MACO1: variants seen among roughly 807,000 people sequenced by gnomAD.
The protein encoded by MACO1 is macoilin.
A neutral mutation model predicts 78.7 loss-of-function variants in MACO1; 14 were observed. The observed-to-expected ratio is 0.18, with a 90% confidence interval of 0.12 to 0.28. MACO1 has a LOEUF of 0.28. MACO1 is among the 10% of genes least tolerant of loss of function. The pLI is 1.00. For synonymous variants in MACO1, 288 were observed against 291.6 expected (o/e 0.99, Z 0.12); for missense variants, 501 against 799.0 (o/e 0.63, Z 4.50).
intron 6 of MACO1, among the ~76,000 whole-genome samples, chr1:25,462,222 G>A (rs2043178091): frequency 6.6e-6 from 1 of 152,130 alleles, no homozygotes; most frequent in African/African-American, 2.4e-5. Flanking sequence ...AGGCATACTT[G>A]GGGTGGTGCA....
Position 25,484,242 on chromosome 1 carries a change from G to C in MACO1, c.1281G>C (p.Gln427His). 5 of 1,613,072 alleles carry C rather than the reference G, an allele frequency of 3.1e-6. No individual in the cohort carries two copies. The highest frequency in any genetic ancestry group is 4.2e-6 in the Non-Finnish European group (5 of 1,179,784). The change falls in exon 7 of 11, where the codon CAG becomes CAC. Residue 427 changes from glutamine (Q) to histidine (H), a missense_variant. Gln to His is a conservative substitution (Grantham distance 24). This residue lies in a region of MACO1 where 163 missense variants were observed against 271.9 expected (regional missense o/e 0.60). Transcript: ENST00000374343. ...GAGGGATCCGCTCAGAAATGGGCCA[G>C]CTTCGGCAGGAGAACGAGCTGCTGC... ...TERGIRSEMG[Q>H]LRQENELLQN...
At chr1:25,436,933 A>T (rs1372364934) in intron 1 of MACO1, among the ~76,000 whole-genome samples, 5 of 151,950 alleles carry the variant, frequency 3.3e-5, no homozygotes, top group African/African-American at 1.2e-4. Flanking sequence ...CCCTCACCCC[A>T]TCTCCTCTGT....
intron 1 of MACO1, among the ~76,000 whole-genome samples, chr1:25,443,185 A>G (rs2042986813): frequency 6.6e-6 from 1 of 152,228 alleles, no homozygotes; most frequent in African/African-American, 2.4e-5. Flanking sequence ...GTGATGAGCA[A>G]TTAATTTAGG....
In MACO1 at chr1:25,454,436, ATATG is replaced by A. The variant is rs1267422858; in HGVS notation, c.473+56_473+59del. ...TGTGTGTATATGTGTGTATGTATAT[ATATG>A]TGTGTGTGTGTGTGTGTGTGTGTGT... is the stretch of plus-strand genomic sequence containing the variant. On this transcript the variant is annotated intron_variant, in intron 4 of 10. Coordinates refer to ENST00000374343, the MANE Select transcript of MACO1 (RefSeq NM_018202.6). 419 of 734,870 alleles carry A rather than the reference ATATG, an allele frequency of 5.7e-4. 2 individuals are homozygous for A. The African/African-American group carries it at 6.9e-3, about 12-fold the overall frequency. 45.5% of individuals were successfully genotyped at this position (734,870 alleles called of 1,614,324 possible).
At position 25,430,946 on chromosome 1, in the gene MACO1, CGTGCTA is replaced by C; in HGVS notation, c.-152_-147del. 6.9e-6 allele frequency: 3 copies of C among 435,498 alleles called. No individual in the cohort carries two copies. The East Asian group carries it at 1.3e-4, about 19-fold the overall frequency. The allele number at this position is 435,498 out of a possible 1,614,324, so 27.0% of individuals were successfully genotyped here. A position where few individuals can be genotyped will look rare whatever the true frequency, so the allele number is the denominator to read the frequency against. On this transcript the variant is annotated 5_prime_UTR_variant, in exon 1 of 11. Coordinates refer to ENST00000374343, the MANE Select transcript of MACO1 (RefSeq NM_018202.6). ...GAGGAGGCTCCGAGCCCCCCCTCCC[CGTGCTA>C]CCCCCTCCCCCCGGGTGCTGGCTCC...
chr1:25,439,852 C>G (rs1286863526), intron 1 of MACO1, among the ~76,000 whole-genome samples: 2 of 151,650 alleles, frequency 1.3e-5, no homozygotes, highest in African/African-American at 4.8e-5. Flanking sequence ...AACCCCGTCT[C>G]TACTAAAAAT....
intron 1 of MACO1, among the ~76,000 whole-genome samples, chr1:25,432,654 G>A (rs2042886281): frequency 6.6e-6 from 1 of 152,170 alleles, no homozygotes; most frequent in Non-Finnish European, 1.5e-5. Context: ...ATTAAAGAAA[G>A]TTTTTCCCCT....
Position 25,499,670 on chromosome 1 carries a change from G to A in MACO1, c.*1204G>A, listed in dbSNP as rs1571997497. ...GTTTGCACAGGCAACTTTTGGAAGT[G>A]TTTAAGAATCAGGGTGGGGGTGGCG... On this transcript the variant is annotated 3_prime_UTR_variant, in exon 11 of 11. Transcript: ENST00000374343. 1.0e-5 allele frequency: 1 copy of A among 96,382 alleles called. No homozygotes were observed. Among genetic ancestry groups the A allele is most frequent in the Non-Finnish European group, 1.8e-5 (1 of 54,300 alleles). 6.0% of individuals were successfully genotyped at this position (96,382 alleles called of 1,614,324 possible).
intron 1 of MACO1, 106 bp from the exon 2 acceptor site, chr1:25,446,656 A>T: frequency 3.6e-6 from 4 of 1,114,208 alleles, no homozygotes; most frequent in Non-Finnish European, 5.0e-6. Flanking sequence ...TGTTTTCATG[A>T]TATATGGAGG....
chr1:25,485,737 A>C lies in MACO1; in HGVS notation c.1438A>C (p.Arg480=), dbSNP rs1189959954. The C allele has an allele frequency of 6.2e-6, 10 of 1,614,194 alleles. No homozygotes were observed. Among genetic ancestry groups the C allele is most frequent in the Middle Eastern group, 1.6e-4 (1 of 6,062 alleles). The part of the protein sequence containing the change: ...VEKQLMEEKK[R]KKLEEATAAR... ...GAAACAGTTAATGGAAGAGAAAAAG[A>C]GGAAGAAGTTAGAAGAAGCCACTGC... is the stretch of plus-strand genomic sequence containing the variant. Residue 480 remains arginine, a synonymous_variant, in exon 8 of 11, where the codon AGG becomes CGG. Coordinates refer to ENST00000374343, the MANE Select transcript of MACO1 (RefSeq NM_018202.6). The surrounding 1 kb of genome is among the most constrained non-coding windows in gnomAD (Gnocchi z 4.3).
intron 6 of MACO1, among the ~76,000 whole-genome samples, chr1:25,480,929 A>AATATATATATATATAT (rs202050214): frequency 4.2e-5 from 2 of 47,928 alleles, no homozygotes; most frequent in Admixed American, 3.1e-4. Context: ...AAAAAAAAAA[A>AATATATATATATATAT]ATATATATAT....
At position 25,498,419 on chromosome 1, in the gene MACO1, T is replaced by C; in HGVS notation, c.1948T>C (p.Ser650Pro). 6.2e-7 allele frequency: 1 copy of C among 1,613,884 alleles called. No individual in the cohort carries two copies. Among genetic ancestry groups the C allele is most frequent in the Non-Finnish European group, 8.5e-7 (1 of 1,179,940 alleles). ...YSSKFVETSP[S>P]GLDPNASVYQ... ...TTCCAAATTTGTGGAGACCAGCCCC[T>C]CTGGACTTGACCCCAATGCCTCTGT... Residue 650 changes from serine to proline, a missense_variant, in exon 11 of 11, where the codon TCT becomes CCT. Transcript: ENST00000374343.
chr1:25,430,991 C>A lies in MACO1; in HGVS notation c.-108C>A, dbSNP rs1406778482. ...GGTGCTGGCTCCATGTCTGTGTGAC[C>A]GGCCTCAGGGGTAGAGTCCAGGCCC... On this transcript the variant is annotated 5_prime_UTR_variant, in exon 1 of 11. Coordinates refer to ENST00000374343, the MANE Select transcript of MACO1 (RefSeq NM_018202.6). 2 of 757,900 alleles carry A rather than the reference C, an allele frequency of 2.6e-6. No individual in the cohort carries two copies. The highest frequency in any genetic ancestry group is 6.8e-5 in the East Asian group (2 of 29,508). 46.9% of individuals were successfully genotyped at this position (757,900 alleles called of 1,614,324 possible).
In MACO1 at chr1:25,456,647, T is replaced by C. The variant is rs144892420; in HGVS notation, c.474-6T>C. Reference sequence around the variant, plus strand: ...ACAATTACTGGCTGGATTGTCTTCTTTCTAGTATTGGGTACCCTGTGGTAA... The same window carrying C: ...ACAATTACTGGCTGGATTGTCTTCTCTCTAGTATTGGGTACCCTGTGGTAA... On this transcript the variant is annotated splice_region_variant and splice_polypyrimidine_tract_variant and intron_variant, in intron 4 of 10. Coordinates refer to ENST00000374343, the MANE Select transcript of MACO1 (RefSeq NM_018202.6). 168 of 1,611,136 alleles carry C rather than the reference T, an allele frequency of 1.0e-4. 1 individual carries two copies. In the East Asian group the frequency reaches 3.6e-3, roughly 35 times the overall value.
Position 25,431,237 on chromosome 1 carries a change from A to AG in MACO1, c.80+63dup. 4 of 1,383,330 alleles carry AG rather than the reference A, an allele frequency of 2.9e-6. No individual in the cohort carries two copies. The South Asian group carries it at 5.1e-5, about 18-fold the overall frequency. 85.7% of individuals were successfully genotyped at this position (1,383,330 alleles called of 1,614,324 possible). A position where few individuals can be genotyped will look rare whatever the true frequency, so the allele number is the denominator to read the frequency against. On this transcript the variant is annotated intron_variant, in intron 1 of 10. Coordinates refer to ENST00000374343, the MANE Select transcript of MACO1 (RefSeq NM_018202.6). The stretch of plus-strand genomic sequence containing the variant: ...GCCCTGCGGTCCCCCTCCAGCTCCG[A>AG]GGGGCCTGGCCCCGTTATGTAACCC...
At chr1:25,459,115 A>G (rs951444771) in intron 6 of MACO1, among the ~76,000 whole-genome samples, 8 of 152,214 alleles carry the variant, frequency 5.3e-5, no homozygotes, top group Non-Finnish European at 1.0e-4. Context: ...ATTACTTCCC[A>G]CATGTGACAA....
At chr1:25,439,746 C>T (rs1055934747) in intron 1 of MACO1, among the ~76,000 whole-genome samples, 3 of 151,460 alleles carry the variant, frequency 2.0e-5, no homozygotes, top group Admixed American at 6.6e-5. Flanking sequence ...AGGCTGGACA[C>T]TGTGGCTCAC....
At chr1:25,448,734 G>A in intron 2 of MACO1, 74 bp from the exon 3 acceptor site, 1 of 1,357,716 alleles carries the variant, frequency 7.4e-7, no homozygotes, top group East Asian at 2.4e-5. Flanking sequence ...TGTCCAACAT[G>A]TGTTTAACAA....
chr1:25,466,689 A>G (rs911757648), intron 6 of MACO1, among the ~76,000 whole-genome samples: 1 of 152,202 alleles, frequency 6.6e-6, no homozygotes, highest in Admixed American at 6.5e-5. Context: ...ATTTTCGATA[A>G]TAGTCCTTTA....
Sources: allele counts gnomAD v4.1 joint callset (sites outside exome capture counted in the v4.1 genomes callset), GRCh38; gene constraint gnomAD v4.1.1; regional missense constraint gnomAD v4.1.1; non-coding constraint Gnocchi (gnomAD v3.1); transcripts MANE v1.5; gene names NCBI Gene and HGNC (gene_info 2026-07-23, HGNC 2026-07-21).